The following KIAA1671 variants were observed in gnomAD, a reference collection of about 807,000 sequenced individuals.
KIAA1671 encodes the protein KIAA1671, also known as uncharacterized protein KIAA1671.
Under a neutral mutation model 131.2 loss-of-function variants are expected in KIAA1671, and 52 were observed. The ratio of observed to expected loss-of-function variants is 0.40; its 90% CI spans 0.32 to 0.50. KIAA1671 has a LOEUF of 0.50. Ranked by LOEUF, KIAA1671 falls within the 20% of genes least tolerant of loss-of-function variation. The pLI is 0.73. For synonymous variants in KIAA1671, 1,003 were observed against 961.6 expected, an observed-to-expected ratio of 1.04 and a Z score of -0.80; for missense variants, 2,360 against 2,364.2, an observed-to-expected ratio of 1.00 and a Z score of 0.04.
intron 6 of KIAA1671, among the ~76,000 whole-genome samples, chr22:25,133,627 C>CGG (rs1932546127): frequency 6.6e-6 from 1 of 152,114 alleles, no homozygotes; most frequent in South Asian, 2.1e-4. Context: ...ACTGCAGCCT[C>CGG]GAACTCCTGG....
At chr22:25,022,062 C>G (rs897311713) in intron 1 of KIAA1671, among the ~76,000 whole-genome samples, 2 of 152,166 alleles carry the variant, frequency 1.3e-5, no homozygotes, top group Non-Finnish European at 2.9e-5. Flanking sequence ...GCCTGAGCCA[C>G]CGTGCCTGGC....
chr22:25,152,482 A>G (rs1933078950), intron 6 of KIAA1671, among the ~76,000 whole-genome samples: 1 of 152,210 alleles, frequency 6.6e-6, no homozygotes. Context: ...ACAGAGGAAC[A>G]TACACTGACT....
chr22:25,014,789 T>G (rs766042499), intron 1 of KIAA1671: 2 of 152,112 alleles, frequency 1.3e-5, no homozygotes, highest in East Asian at 3.9e-4. Flanking sequence ...AGAAGTCTAG[T>G]GGAGGGGTGA....
chr22:24,959,354 A>T (rs1357122528), intron 1 of KIAA1671, among the ~76,000 whole-genome samples: 2 of 151,858 alleles, frequency 1.3e-5, no homozygotes, highest in South Asian at 2.1e-4. Flanking sequence ...AAAAAAAAAT[A>T]AAAATAAAAT....
At chr22:25,005,779 C>T (rs938937222) in intron 1 of KIAA1671, among the ~76,000 whole-genome samples, 1 of 152,108 alleles carries the variant, frequency 6.6e-6, no homozygotes, top group Non-Finnish European at 1.5e-5. Context: ...GACCATCAGC[C>T]CTGTGTCTTC....
At chr22:25,124,463 A>C (rs768588966) in intron 6 of KIAA1671, among the ~76,000 whole-genome samples, 2 of 152,210 alleles carry the variant, frequency 1.3e-5, no homozygotes, top group Non-Finnish European at 2.9e-5. Context: ...TGATGGCAAG[A>C]AAAGAGGGGT....
At chr22:25,116,272 T>TA (rs1476416800) in intron 6 of KIAA1671, among the ~76,000 whole-genome samples, 1 of 148,036 alleles carries the variant, frequency 6.8e-6, no homozygotes, top group Non-Finnish European at 1.5e-5. Flanking sequence ...AGGGTCCTGC[T>TA]ATGTTGCCCA....
At chr22:25,095,342 G>T (rs976090671) in intron 6 of KIAA1671, among the ~76,000 whole-genome samples, 2 of 152,202 alleles carry the variant, frequency 1.3e-5, no homozygotes, top group Non-Finnish European at 1.5e-5. Context: ...AATTACAAAT[G>T]CTATGCATCT....
chr22:25,104,367 G>GA (rs1930876713), intron 6 of KIAA1671, among the ~76,000 whole-genome samples: 1 of 152,196 alleles, frequency 6.6e-6, no homozygotes, highest in Admixed American at 6.5e-5. Flanking sequence ...AGCAGGATGT[G>GA]AAGAGGGTCA....
rs568547881 is a variant in KIAA1671 at position 25,105,574 on chromosome 22, C to T, written c.4530+56210C>T. 2.6e-5 allele frequency among the ~76,000 whole-genome samples: 4 copies of T among 152,152 alleles called. No homozygotes were observed. In the South Asian group the frequency reaches 8.3e-4, roughly 32 times the overall value. On this transcript the variant is annotated intron_variant, in intron 6 of 12. Transcript: ENST00000358431. The stretch of plus-strand genomic sequence containing the variant: ...GGGGGGGAAAATGCTTGTGCTGCCC[C>T]AGTTTTCAGGAAGCGAAGCTTTTTA...
rs2145806016 is a variant in KIAA1671, at chr22:25,040,139, C to G, written c.3009C>G (p.Asn1003Lys). 20 of 1,551,674 alleles carry G rather than the reference C, an allele frequency of 1.3e-5. No individual in the cohort carries two copies. In the South Asian group the frequency reaches 2.3e-4, roughly 18 times the overall value. ...SHYRVETQEV[N>K]PGASRDQTSP... ...ACAGGGTGGAGACCCAGGAGGTGAA[C>G]CCAGGTGCTTCACGGGACCAGACTT... is the stretch of plus-strand genomic sequence containing the variant. The change falls in exon 5 of 13, where the codon AAC becomes AAG. Residue 1003 changes from asparagine to lysine, a missense_variant. Coordinates refer to ENST00000358431, the MANE Select transcript of KIAA1671 (RefSeq NM_001145206.2).
At chr22:25,059,767 T>A (rs1047596198) in intron 6 of KIAA1671, 1 of 152,198 alleles carries the variant, frequency 6.6e-6, no homozygotes, top group African/African-American at 2.4e-5. Context: ...AACAGTACCT[T>A]GCTGCCCCTC....
intron 1 of KIAA1671, chr22:25,013,066 G>A (rs1925121580): frequency 6.6e-6 from 1 of 152,238 alleles, no homozygotes; most frequent in African/African-American, 2.4e-5. Flanking sequence ...GGTTGGATGA[G>A]TGATGTAAAT....
chr22:24,972,097 A>G (rs1922645275), intron 1 of KIAA1671, among the ~76,000 whole-genome samples: 1 of 152,210 alleles, frequency 6.6e-6, no homozygotes. Context: ...AAAACCATAT[A>G]GGATCATTGC....
At chr22:25,175,094 A>G (rs377740654) in intron 8 of KIAA1671, 1 of 152,506 alleles carries the variant, frequency 6.6e-6, no homozygotes, top group East Asian at 1.9e-4. Flanking sequence ...CTGCCCCAGC[A>G]TAGCAGGTCA....
intron 1 of KIAA1671, among the ~76,000 whole-genome samples, chr22:25,005,218 C>T (rs1363766806): frequency 2.7e-5 from 4 of 146,904 alleles, no homozygotes; most frequent in Admixed American, 6.8e-5. Context: ...CGTGGTGGCG[C>T]GCACGTGTAG....
At chr22:25,009,885 C>T (rs1479395421) in intron 1 of KIAA1671, 1 of 152,286 alleles carries the variant, frequency 6.6e-6, no homozygotes, top group Non-Finnish European at 1.5e-5. Flanking sequence ...TGCCTGGCCC[C>T]TTCCCTACTT....
intron 6 of KIAA1671, among the ~76,000 whole-genome samples, chr22:25,093,820 CTCTTTCTCTCTCTG>C (rs1568951493): frequency 1.1e-4 from 11 of 100,650 alleles, no homozygotes; most frequent in African/African-American, 2.5e-4. Context: ...CTGTCTCTCT[CTCTTTCTCTCTCTG>C]TCTGTCTCTC....
chr22:25,125,809 T>TG (rs1260093102), intron 6 of KIAA1671, among the ~76,000 whole-genome samples: 1 of 152,240 alleles, frequency 6.6e-6, no homozygotes, highest in Admixed American at 6.5e-5. Flanking sequence ...TTCACACCCC[T>TG]GCCAGTCCTT....
Sources: allele counts gnomAD v4.1 joint callset (sites outside exome capture counted in the v4.1 genomes callset), GRCh38; gene constraint gnomAD v4.1.1; transcripts MANE v1.5; gene names NCBI Gene and HGNC (gene_info 2026-07-23, HGNC 2026-07-21).